Variants in DOCK7 observed in about 807,000 individuals in gnomAD.
DOCK7 encodes the protein dedicator of cytokinesis 7.
DOCK7 carries 138 observed loss-of-function variants against 271.0 expected under a neutral mutation model. That is an observed-to-expected ratio of 0.51 (90% confidence interval 0.44 to 0.59). The LOEUF (loss-of-function observed/expected upper bound fraction) is 0.59, where lower values mean the gene tolerates loss of function less well. DOCK7 is among the 20% of genes least tolerant of loss of function. The pLI, the probability that DOCK7 is intolerant of heterozygous loss-of-function variation, is 0.00. For synonymous variants in DOCK7, 823 were observed against 876.1 expected (o/e 0.94, Z 1.07); for missense variants, 2,066 against 2,592.4 (o/e 0.80, Z 4.41).
In DOCK7 at chr1:62,529,293, C is replaced by G; in HGVS notation, c.3765G>C (p.Gln1255His). Residue 1255 changes from glutamine (Q) to histidine (H), a missense_variant, in exon 30 of 50, where the codon CAG becomes CAC. Gln to His is a conservative substitution (Grantham distance 24). Transcript: ENST00000635253. Reference protein sequence around the residue: ...LIGIIMETVPQLYDFTETHNQ... With the variant: ...LIGIIMETVPHLYDFTETHNQ... ...ACTAGGTACCTGTAAAATCATACAG[C>G]TGAGGTACAGTTTCCATGATAATAC... 2 of 1,607,298 alleles carry G rather than the reference C, an allele frequency of 1.2e-6. No homozygotes were observed. The highest frequency in any genetic ancestry group is 1.7e-6 in the Non-Finnish European group (2 of 1,177,908).
intron 28 of DOCK7, 104 bp downstream of exon 28, chr1:62,537,787 C>T (rs979696772): frequency 9.6e-7 from 1 of 1,041,106 alleles, no homozygotes. Context: ...AGAACTGAGC[C>T]TATCATACAG....
chr1:62,557,931 T>C (rs945635360), intron 20 of DOCK7, among the ~76,000 whole-genome samples: 2 of 152,070 alleles, frequency 1.3e-5, no homozygotes, highest in Non-Finnish European at 2.9e-5. Context: ...GACTCCTAAT[T>C]TGTCTCCCTG....
At chr1:62,577,597 T>C (rs1421363630) in intron 17 of DOCK7, among the ~76,000 whole-genome samples, 3 of 152,036 alleles carry the variant, frequency 2.0e-5, no homozygotes, top group Non-Finnish European at 4.4e-5. Flanking sequence ...TTACTAACCA[T>C]GCAATATTAA....
At chr1:62,503,465 T>C (rs1646844754) in intron 37 of DOCK7, among the ~76,000 whole-genome samples, 1 of 151,174 alleles carries the variant, frequency 6.6e-6, no homozygotes, top group Non-Finnish European at 1.5e-5. Flanking sequence ...TGAGACAGGA[T>C]CTCACTCTGT....
intron 20 of DOCK7, among the ~76,000 whole-genome samples, 159 bp from the exon 21 acceptor site, chr1:62,556,148 C>A (rs113675913): frequency 6.6e-6 from 1 of 152,042 alleles, no homozygotes; most frequent in African/African-American, 2.4e-5. Context: ...TTTAATTACA[C>A]GTTGCATTAG....
At chr1:62,621,023 T>C (rs919030041) in intron 12 of DOCK7, among the ~76,000 whole-genome samples, 1 of 152,062 alleles carries the variant, frequency 6.6e-6, no homozygotes, top group Non-Finnish European at 1.5e-5. Context: ...CTCATAAATT[T>C]ATTACTTTTT....
intron 10 of DOCK7, among the ~76,000 whole-genome samples, chr1:62,633,177 G>A (rs1654833821): frequency 6.6e-6 from 1 of 151,998 alleles, no homozygotes; most frequent in Non-Finnish European, 1.5e-5. Context: ...TAATTCAGGA[G>A]TTAAACTGAA....
intron 1 of DOCK7, chr1:62,687,538 C>A (rs1661935922): frequency 6.6e-6 from 1 of 152,154 alleles, no homozygotes; most frequent in Non-Finnish European, 1.5e-5. Flanking sequence ...TCAGAACAAG[C>A]TTCAGCCTGC....
chr1:62,486,331 A>G (rs762023841), intron 43 of DOCK7: 3 of 152,100 alleles, frequency 2.0e-5, no homozygotes, highest in Non-Finnish European at 4.4e-5. Context: ...AAGGTTTTCT[A>G]TTTGGGTCTT....
At position 62,561,624 on chromosome 1, in the gene DOCK7, T is replaced by A; in HGVS notation, c.2192A>T (p.His731Leu). The A allele has an allele frequency of 6.4e-7, 1 of 1,561,620 alleles. No homozygotes were observed. The highest frequency in any genetic ancestry group is 8.6e-7 in the Non-Finnish European group (1 of 1,161,842). ...AAAATTATTAAAACTCACTTGTGTA[T>A]GGATAGACGAAACAGCAACAACTTC... Reference protein sequence around the residue: ...NVEVVAVSSIHTQDPYLDKFF... With the variant: ...NVEVVAVSSILTQDPYLDKFF... The change falls in exon 19 of 50, where the codon CAT (histidine) becomes CTT (leucine). Residue 731 changes from histidine to leucine, a missense_variant. His to Leu is a moderately conservative substitution (Grantham distance 99). Coordinates refer to ENST00000635253, the MANE Select transcript of DOCK7 (RefSeq NM_001367561.1).
chr1:62,504,560 G>A (rs943416191), intron 37 of DOCK7, 70 bp downstream of exon 37: 1 of 1,491,170 alleles, frequency 6.7e-7, no homozygotes, highest in Non-Finnish European at 9.0e-7. Flanking sequence ...CCCAAAAACT[G>A]ATTTAATAAC....
intron 38 of DOCK7, 130 bp downstream of exon 38, chr1:62,496,209 C>T (rs1646617470): frequency 2.1e-6 from 2 of 951,066 alleles, no homozygotes; most frequent in South Asian, 1.5e-5. Context: ...CTATCTATGG[C>T]ACATGATGTG....
At position 62,513,666 on chromosome 1, in the gene DOCK7, C is replaced by T. The variant is rs1284316234; in HGVS notation, c.4119+50G>A. 8 of 1,603,708 alleles carry T rather than the reference C, an allele frequency of 5.0e-6. No homozygotes were observed. The African/African-American group carries it at 8.1e-5, about 16-fold the overall frequency. ...AGGAAATTTTCTTCTATTTTTTCCA[C>T]ATTATGTTTCTCCTTTCTTGTTCTT... On this transcript the variant is annotated intron_variant, in intron 32 of 49. Transcript: ENST00000635253.
At chr1:62,600,230 C>T (rs990736918) in intron 14 of DOCK7, among the ~76,000 whole-genome samples, 1 of 151,550 alleles carries the variant, frequency 6.6e-6, no homozygotes, top group East Asian at 1.9e-4. Context: ...GAAACCAAAA[C>T]AATGAATTTC....
At chr1:62,503,823 G>A (rs1266515524) in intron 37 of DOCK7, among the ~76,000 whole-genome samples, 4 of 152,022 alleles carry the variant, frequency 2.6e-5, no homozygotes, top group Admixed American at 6.5e-5. Context: ...CGAGGCAGGC[G>A]GATCACGAGG....
At chr1:62,616,074 C>T (rs1336508674) in intron 14 of DOCK7, among the ~76,000 whole-genome samples, 1 of 151,750 alleles carries the variant, frequency 6.6e-6, no homozygotes, top group Admixed American at 6.6e-5. Context: ...TTCCATTAAA[C>T]TCAAAAAGCA....
Position 62,492,803 on chromosome 1 carries a change from A to G in DOCK7, c.5262T>C (p.Asp1754=). The G allele has an allele frequency of 4.3e-6, 7 of 1,613,986 alleles. No homozygotes were observed. Among genetic ancestry groups the G allele is most frequent in the Non-Finnish European group, 5.9e-6 (7 of 1,179,880 alleles). The change falls in exon 41 of 50, where the codon GAT becomes GAC. Residue 1754 remains aspartate, a synonymous_variant. Coordinates refer to ENST00000635253, the MANE Select transcript of DOCK7 (RefSeq NM_001367561.1). ...NVLEESAVSD[D]VVSPDEEGIC... ...TACCTTCTTCATCTGGAGATACCAC[A>G]TCATCTGAGACCGCAGATTCTTCTA...
intron 4 of DOCK7, among the ~76,000 whole-genome samples, chr1:62,652,324 C>A (rs973655650): frequency 6.6e-6 from 1 of 152,050 alleles, no homozygotes; most frequent in African/African-American, 2.4e-5. Context: ...TACCTCATAA[C>A]TTCTAGTTCA....
At chr1:62,496,988 C>CT (rs1251309176) in intron 37 of DOCK7, among the ~76,000 whole-genome samples, 2 of 152,000 alleles carry the variant, frequency 1.3e-5, no homozygotes, top group African/African-American at 4.8e-5. Flanking sequence ...TACATTCTTC[C>CT]TTTTTTTAGT....
Sources: gnomAD v4.1 joint callset for allele counts (sites outside exome capture counted in the v4.1 genomes callset) on GRCh38, gnomAD v4.1.1 for gene constraint, MANE v1.5 for transcripts, NCBI Gene and HGNC (gene_info 2026-07-23, HGNC 2026-07-21) for gene names.